GRM3: variants seen among roughly 807,000 people sequenced by gnomAD.
GRM3 encodes glutamate metabotropic receptor 3.
GRM3 carries 26 observed loss-of-function variants against 70.5 expected under a neutral mutation model. That is an observed-to-expected ratio of 0.37 (90% CI 0.27 to 0.51). The LOEUF (loss-of-function observed/expected upper bound fraction) is 0.51. GRM3 is among the 20% of genes least tolerant of loss of function. GRM3 has a pLI of 0.93. For missense variants in GRM3, 859 were observed against 1,123.8 expected (o/e 0.76, Z 3.37); for synonymous variants, 443 against 434.9 (o/e 1.02, Z -0.23).
At chr7:86,846,102 A>G (rs1430496778) in intron 4 of GRM3, among the ~76,000 whole-genome samples, 1 of 152,184 alleles carries the variant, frequency 6.6e-6, no homozygotes, top group Non-Finnish European at 1.5e-5. Context: ...GAATTTGTCT[A>G]GATTTCTTTG....
intron 1 of GRM3, among the ~76,000 whole-genome samples, chr7:86,703,774 C>T (rs1028073327): frequency 6.6e-6 from 1 of 151,862 alleles, no homozygotes; most frequent in African/African-American, 2.4e-5. Context: ...GAGTGTGTTC[C>T]ACTGAAACAC....
chr7:86,801,222 C>T (rs1364694012), intron 3 of GRM3, among the ~76,000 whole-genome samples: 1 of 151,944 alleles, frequency 6.6e-6, no homozygotes. Context: ...AGGTGCATGC[C>T]GCCATGCCCA....
rs536332070 is a variant in GRM3, at chr7:86,838,980, C to G, written c.1466C>G (p.Thr489Ser). The G allele has an allele frequency of 1.9e-6, 3 of 1,614,054 alleles. No individual in the cohort carries two copies. Among genetic ancestry groups the G allele is most frequent in the South Asian group, 2.2e-5 (2 of 91,070 alleles). The change falls in exon 4 of 6, where the codon ACC (threonine) becomes AGC (serine). Residue 489 changes from threonine (T) to serine (S), a missense_variant. Coordinates refer to ENST00000361669, the MANE Select transcript of GRM3 (RefSeq NM_000840.3). Reference protein sequence around the residue: ...SYLKVGHWAETLSLDVNSIHW... With the variant: ...SYLKVGHWAESLSLDVNSIHW... ...TTGAAAGTTGGTCACTGGGCAGAAA[C>G]CTTATCGCTAGATGTCAACTCTATC...
At chr7:86,848,993 T>A (rs1034427610) in intron 4 of GRM3, among the ~76,000 whole-genome samples, 1 of 152,154 alleles carries the variant, frequency 6.6e-6, no homozygotes, top group African/African-American at 2.4e-5. Context: ...TCTCCTCACC[T>A]CTTCTTGTAA....
intron 2 of GRM3, among the ~76,000 whole-genome samples, chr7:86,779,408 A>C (rs1266198909): frequency 1.3e-5 from 2 of 151,994 alleles, no homozygotes; most frequent in African/African-American, 4.8e-5. Context: ...TCGTGTGTGC[A>C]TGTGCACACG....
intron 3 of GRM3, among the ~76,000 whole-genome samples, chr7:86,837,368 G>A (rs895210852): frequency 6.6e-6 from 1 of 152,152 alleles, no homozygotes; most frequent in Non-Finnish European, 1.5e-5. Flanking sequence ...GTAAGTTAGA[G>A]CAGCCTGAGC....
intron 1 of GRM3, among the ~76,000 whole-genome samples, chr7:86,744,483 A>G (rs1185894291): frequency 6.6e-6 from 1 of 151,938 alleles, no homozygotes; most frequent in Admixed American, 6.6e-5. Context: ...CCCCACCAAG[A>G]GGAAATACTA....
At chr7:86,762,295 G>T (rs779355808) in intron 1 of GRM3, among the ~76,000 whole-genome samples, 27 of 152,002 alleles carry the variant, frequency 1.8e-4, no homozygotes, top group Non-Finnish European at 1.5e-4. Context: ...AGTTAATACT[G>T]AGCATTCCAA....
At chr7:86,807,373 A>G (rs907404702) in intron 3 of GRM3, among the ~76,000 whole-genome samples, 1 of 140,388 alleles carries the variant, frequency 7.1e-6, no homozygotes, top group South Asian at 2.2e-4. Context: ...CTTCCTATCC[A>G]TGAGCATGGA....
chr7:86,671,863 T>C (rs926409110), intron 1 of GRM3, among the ~76,000 whole-genome samples: 1 of 152,136 alleles, frequency 6.6e-6, no homozygotes, highest in Non-Finnish European at 1.5e-5. Context: ...AGTCTCCTTA[T>C]CCATTTACTG....
At chr7:86,796,820 C>G (rs1797561354) in intron 3 of GRM3, among the ~76,000 whole-genome samples, 1 of 152,136 alleles carries the variant, frequency 6.6e-6, no homozygotes, top group Non-Finnish European at 1.5e-5. Flanking sequence ...ATAATTCTCA[C>G]ATGTCATGGA....
intron 2 of GRM3, among the ~76,000 whole-genome samples, chr7:86,782,222 C>CA (rs1797086791): frequency 1.3e-5 from 2 of 151,876 alleles, no homozygotes; most frequent in South Asian, 4.2e-4. Flanking sequence ...GGGAGTCCTC[C>CA]ATTGTGTGTT....
intron 3 of GRM3, among the ~76,000 whole-genome samples, chr7:86,824,797 T>C (rs1362347522): frequency 6.6e-6 from 1 of 151,884 alleles, no homozygotes; most frequent in Non-Finnish European, 1.5e-5. Context: ...CAAATTTATA[T>C]ATATATGTGT....
chr7:86,783,742 G>A (rs922623374), intron 2 of GRM3, among the ~76,000 whole-genome samples: 2 of 152,188 alleles, frequency 1.3e-5, no homozygotes, highest in Non-Finnish European at 2.9e-5. Context: ...TTTAAAAGGA[G>A]CAGCTCACTG....
intron 3 of GRM3, among the ~76,000 whole-genome samples, chr7:86,824,690 T>C (rs1798195837): frequency 6.6e-6 from 1 of 152,206 alleles, no homozygotes; most frequent in Non-Finnish European, 1.5e-5. Flanking sequence ...TCTCCATCTA[T>C]TTCAAGGATG....
At chr7:86,848,098 A>T (rs1307650056) in intron 4 of GRM3, among the ~76,000 whole-genome samples, 1 of 152,202 alleles carries the variant, frequency 6.6e-6, no homozygotes, top group African/African-American at 2.4e-5. Flanking sequence ...ATGAGAAAAA[A>T]CATCCATGAC....
At chr7:86,758,232 G>T (rs1796394492) in intron 1 of GRM3, among the ~76,000 whole-genome samples, 1 of 152,106 alleles carries the variant, frequency 6.6e-6, no homozygotes, top group Non-Finnish European at 1.5e-5. Context: ...ATAGCCACTT[G>T]ATGGGTCATA....
intron 1 of GRM3, among the ~76,000 whole-genome samples, chr7:86,764,280 A>T (rs1401485184): frequency 1.3e-5 from 2 of 152,170 alleles, no homozygotes; most frequent in African/African-American, 4.8e-5. Flanking sequence ...AGATGTTGTC[A>T]AGATGAAGCA....
At chr7:86,837,894 T>A (rs1798488531) in intron 3 of GRM3, among the ~76,000 whole-genome samples, 1 of 152,090 alleles carries the variant, frequency 6.6e-6, no homozygotes, top group Non-Finnish European at 1.5e-5. Context: ...AGAGTAAAGA[T>A]TGGCAGTGAA....
Sources: gnomAD v4.1 joint callset for allele counts (sites outside exome capture counted in the v4.1 genomes callset) on GRCh38, gnomAD v4.1.1 for gene constraint, MANE v1.5 for transcripts, NCBI Gene and HGNC (gene_info 2026-07-23, HGNC 2026-07-21) for gene names.